ME3: variants seen among roughly 807,000 people sequenced by gnomAD.
The protein encoded by ME3 is malic enzyme 3.
In ME3, 48 loss-of-function variants were observed where a neutral mutation model predicts 68.9. The observed-to-expected ratio is 0.70, with a 90% CI of 0.55 to 0.89. The LOEUF is 0.89. Ranked by LOEUF, ME3 falls within the 40% of genes least tolerant of loss-of-function variation. The pLI, the probability that ME3 is intolerant of heterozygous loss-of-function variation, is 0.00. For missense variants in ME3, 675 were observed against 797.4 expected (o/e 0.85, Z 1.85); for synonymous variants, 320 against 318.8 (o/e 1.00, Z -0.04).
intron 6 of ME3, among the ~76,000 whole-genome samples, chr11:86,491,215 A>G (rs895047731): frequency 6.6e-6 from 1 of 152,202 alleles, no homozygotes; most frequent in African/African-American, 2.4e-5. Flanking sequence ...TTGGAGTTCA[A>G]GGGTTTAAAT....
intron 2 of ME3, among the ~76,000 whole-genome samples, chr11:86,654,333 T>C (rs997213660): frequency 1.3e-5 from 2 of 152,324 alleles, no homozygotes; most frequent in African/African-American, 2.4e-5. Context: ...TGAACATCGA[T>C]GCAAAAATCC....
chr11:86,520,378 G>C (rs1038861180), intron 4 of ME3, among the ~76,000 whole-genome samples: 3 of 152,196 alleles, frequency 2.0e-5, no homozygotes, highest in African/African-American at 4.8e-5. Flanking sequence ...CTGAGTACAT[G>C]GAAAACAAGT....
At chr11:86,537,237 GTAAC>G (rs1955739019) in intron 4 of ME3, among the ~76,000 whole-genome samples, 1 of 151,544 alleles carries the variant, frequency 6.6e-6, no homozygotes, top group South Asian at 2.1e-4. Context: ...GTATACATAT[GTAAC>G]TAACCTGCAC....
At position 86,474,345 on chromosome 11, in the gene ME3, G is replaced by A. The variant is rs148266403; in HGVS notation, c.810-9145C>T. ...GTCTTGGCCAGACAGAAAACACTCA[G>A]GAACAGCTTGGCTTTCCTCCTGATT... is the stretch of plus-strand genomic sequence containing the variant. On this transcript the variant is annotated intron_variant, in intron 7 of 14. Transcript: ENST00000543262. Among the ~76,000 whole-genome samples, 479 of 152,320 alleles carry A rather than the reference G, an allele frequency of 3.1e-3. 5 individuals are homozygous for A. The highest frequency in any genetic ancestry group is 0.011 in the African/African-American group (466 of 41,560).
rs182115288 is a variant in ME3, at chr11:86,483,801, T to C, written c.809+3536A>G. ...GTTTCTGTCCAGCCCAGGCCAATTATCAGACAGAGTTAGGGCTCCAGGTGC... is the reference window on the plus strand; with the variant it reads ...GTTTCTGTCCAGCCCAGGCCAATTACCAGACAGAGTTAGGGCTCCAGGTGC... On this transcript the variant is annotated intron_variant, in intron 7 of 14. Coordinates refer to ENST00000543262, the Ensembl canonical transcript of ME3. 4.6e-5 allele frequency among the ~76,000 whole-genome samples: 7 copies of C among 152,294 alleles called. No homozygotes were observed. The East Asian group carries it at 1.4e-3, about 29-fold the overall frequency.
At position 86,624,700 on chromosome 11, in the gene ME3, G is replaced by A. The variant is rs1016271253; in HGVS notation, c.183+47062C>T. Reference sequence around the variant, plus strand: ...TAATAGGTAAACTGAATGAATAAATGTTTGTTAAACATACCATTCTTCGGC... The same window carrying A: ...TAATAGGTAAACTGAATGAATAAATATTTGTTAAACATACCATTCTTCGGC... On this transcript the variant is annotated intron_variant, in intron 2 of 14. Coordinates refer to ENST00000543262, the Ensembl canonical transcript of ME3. Among the ~76,000 whole-genome samples the A allele has an allele frequency of 5.3e-5, 8 of 152,214 alleles. No homozygotes were observed. The East Asian group carries it at 1.3e-3, about 26-fold the overall frequency.
intron 2 of ME3, among the ~76,000 whole-genome samples, chr11:86,585,891 T>C (rs185774506): frequency 1.3e-5 from 2 of 152,168 alleles, no homozygotes; most frequent in East Asian, 3.9e-4. Context: ...TGTCACCAGG[T>C]GACAAAGGAG....
chr11:86,637,227 T>C (rs150806713), intron 2 of ME3, among the ~76,000 whole-genome samples: 337 of 152,104 alleles, frequency 2.2e-3, no homozygotes, highest in African/African-American at 8.0e-3. Context: ...GCATCTGCCA[T>C]GTGTGTGAAG....
At chr11:86,600,971 A>G (rs1366000111) in intron 2 of ME3, among the ~76,000 whole-genome samples, 2 of 151,510 alleles carry the variant, frequency 1.3e-5, no homozygotes, top group Non-Finnish European at 3.0e-5. Context: ...AGGGAAATTT[A>G]TAGCACTAAA....
intron 2 of ME3, among the ~76,000 whole-genome samples, chr11:86,637,455 G>A (rs1331861532): frequency 2.0e-5 from 3 of 152,096 alleles, no homozygotes; most frequent in Non-Finnish European, 2.9e-5. Context: ...GTCTAGAGCT[G>A]TCAGGGAAGA....
At chr11:86,436,928 C>A (rs1030703520), downstream of ME3, 2 of 151,994 alleles carry the variant, frequency 1.3e-5, no homozygotes, top group African/African-American at 4.8e-5. Context: ...CCACACAGTC[C>A]TTTTTTGGTA....
chr11:86,615,147 C>T (rs940228208), intron 2 of ME3, among the ~76,000 whole-genome samples: 1 of 152,066 alleles, frequency 6.6e-6, no homozygotes, highest in African/African-American at 2.4e-5. Flanking sequence ...ATTCTTCCAT[C>T]GGTACAAATC....
chr11:86,645,596 T>TG (rs879828013), intron 2 of ME3, among the ~76,000 whole-genome samples: 1 of 152,084 alleles, frequency 6.6e-6, no homozygotes. Context: ...ACAGAGCACC[T>TG]GGGGGAAAGG....
At chr11:86,581,131 TA>T (rs1169670595) in intron 2 of ME3, among the ~76,000 whole-genome samples, 2 of 152,084 alleles carry the variant, frequency 1.3e-5, no homozygotes, top group East Asian at 3.9e-4. Context: ...AACCAACATC[TA>T]AAAAAATATA....
At chr11:86,501,411 T>G (rs1056305710) in intron 5 of ME3, among the ~76,000 whole-genome samples, 1 of 152,212 alleles carries the variant, frequency 6.6e-6, no homozygotes, top group African/African-American at 2.4e-5. Context: ...TAATTATCTG[T>G]TAAATGAATG....
At chr11:86,643,860 T>G (rs668984) in intron 2 of ME3, among the ~76,000 whole-genome samples, 1 of 152,060 alleles carries the variant, frequency 6.6e-6, no homozygotes, top group Non-Finnish European at 1.5e-5. Context: ...CTTGCTGATG[T>G]CCCTTACTAT....
intron 2 of ME3, among the ~76,000 whole-genome samples, chr11:86,665,410 T>C (rs999100255): frequency 1.3e-5 from 2 of 152,026 alleles, no homozygotes; most frequent in Non-Finnish European, 2.9e-5. Flanking sequence ...TATGTGGCTA[T>C]GGAGGGGTGG....
At chr11:86,639,153 C>A (rs1273857960) in intron 2 of ME3, among the ~76,000 whole-genome samples, 1 of 152,156 alleles carries the variant, frequency 6.6e-6, no homozygotes, top group South Asian at 2.1e-4. Flanking sequence ...ATTAATGGTT[C>A]CCCACAAAAG....
intron 4 of ME3, among the ~76,000 whole-genome samples, chr11:86,523,510 C>T (rs72953621): frequency 0.21 from 32,625 of 151,852 alleles, 4,329 homozygotes; most frequent in Non-Finnish European, 0.31. Flanking sequence ...TGTTTGTACT[C>T]TTTTTTTTCT....
Sources: allele counts gnomAD v4.1 joint callset (sites outside exome capture counted in the v4.1 genomes callset), GRCh38; gene constraint gnomAD v4.1.1; transcripts MANE v1.5; gene names NCBI Gene and HGNC (gene_info 2026-07-23, HGNC 2026-07-21).